Variants in TLCD4 observed in about 807,000 individuals in gnomAD.
The protein encoded by TLCD4 is TLC domain-containing protein 4.
A neutral mutation model predicts 24.2 loss-of-function variants in TLCD4; 7 were observed. The observed-to-expected ratio is 0.29, with a 90% CI of 0.16 to 0.54. The LOEUF (loss-of-function observed/expected upper bound fraction) is 0.54, where lower values mean the gene tolerates loss of function less well. Among genes scored for constraint, TLCD4 ranks in the 20% least tolerant of loss-of-function variants. The probability of loss-of-function intolerance (pLI) is 0.95; values close to 1 mark genes in which losing one functional copy is unlikely to be tolerated. For synonymous variants in TLCD4, 103 were observed against 106.4 expected, an observed-to-expected ratio of 0.97 and a Z score of 0.20; for missense variants, 259 against 313.9, an observed-to-expected ratio of 0.82 and a Z score of 1.32.
chr1:95,180,002 T>C (rs1382910153), intron 6 of TLCD4, among the ~76,000 whole-genome samples: 1 of 152,266 alleles, frequency 6.6e-6, no homozygotes, highest in Non-Finnish European at 1.5e-5. Context: ...CAAAGTTCTC[T>C]CTTTTTTATG....
chr1:95,141,202 A>G (rs1420133925), intron 1 of TLCD4, among the ~76,000 whole-genome samples: 3 of 152,216 alleles, frequency 2.0e-5, no homozygotes, highest in South Asian at 4.1e-4. Context: ...CATTAGAACA[A>G]AGACTTAAAA....
chr1:95,191,805 A>G lies in TLCD4; in HGVS notation c.729A>G (p.Lys243=), dbSNP rs1430218744. 1.9e-6 allele frequency: 3 copies of G among 1,614,064 alleles called. No homozygotes were observed. The highest frequency in any genetic ancestry group is 2.7e-5 in the African/African-American group (2 of 74,928). ...WMIKISKGCI[K]VISHIRQEKA... ...TCAAAATTTCAAAAGGTTGCATCAA[A>G]GTCATCTCTCACATCAGACAAGAGA... is the stretch of plus-strand genomic sequence containing the variant. Residue 243 remains lysine (K), a synonymous_variant, in exon 7 of 7, where the codon AAA becomes AAG. Coordinates refer to ENST00000370203, the MANE Select transcript of TLCD4 (RefSeq NM_152487.3).
intron 5 of TLCD4, among the ~76,000 whole-genome samples, chr1:95,167,393 A>G (rs1014739481): frequency 6.6e-6 from 1 of 152,080 alleles, no homozygotes; most frequent in Non-Finnish European, 1.5e-5. Context: ...GCCAATAAAT[A>G]TTTCTGGAAA....
Position 95,148,781 on chromosome 1 carries a change from G to T in TLCD4, c.235G>T (p.Asp79Tyr). 6.2e-7 allele frequency: 1 copy of T among 1,613,064 alleles called. No individual in the cohort carries two copies. Among genetic ancestry groups the T allele is most frequent in the African/African-American group, 1.3e-5 (1 of 74,998 alleles). ...IFLFDEATKADPLWGGPSLAN... is the reference protein window; with the variant it reads ...IFLFDEATKAYPLWGGPSLAN... ...CTTATTCGATGAGGCTACTAAAGCTGATCCACTTTGGTAAGCTGTTTCTTT... is the reference window on the plus strand; with the variant it reads ...CTTATTCGATGAGGCTACTAAAGCTTATCCACTTTGGTAAGCTGTTTCTTT... The change falls in exon 3 of 7, where the codon GAT (aspartate) becomes TAT (tyrosine). Residue 79 changes from aspartate to tyrosine, a missense_variant. Physicochemically the swap from Asp to Tyr is radical, Grantham distance 160. Coordinates refer to ENST00000370203, the MANE Select transcript of TLCD4 (RefSeq NM_152487.3).
At chr1:95,127,111 A>G (rs1232144807) in intron 1 of TLCD4, among the ~76,000 whole-genome samples, 2 of 152,182 alleles carry the variant, frequency 1.3e-5, no homozygotes, top group African/African-American at 4.8e-5. Context: ...CAGGTCACAG[A>G]GGTTGTGTTG....
the TLCD4 span, among the ~76,000 whole-genome samples, chr1:95,097,355 A>C: frequency 1.3e-5 from 2 of 152,208 alleles, no homozygotes; most frequent in African/African-American, 4.8e-5. Context: ...TATTAACCCA[A>C]GTTCTCTAGG....
Position 95,123,690 on chromosome 1 carries a change from G to A in TLCD4, c.-12+6073G>A, listed in dbSNP as rs1178732013. On this transcript the variant is annotated intron_variant, in intron 1 of 6. Coordinates refer to ENST00000370203, the MANE Select transcript of TLCD4 (RefSeq NM_152487.3). ...CTACAAATGGCAAAATGTGCCCAGA[G>A]TTATTTAGTTTTGAAAAATTTATTA... Among the ~76,000 whole-genome samples, 70 of 152,054 alleles carry A rather than the reference G, an allele frequency of 4.6e-4. 2 individuals are homozygous for A. Among genetic ancestry groups the A allele is most frequent in the Non-Finnish European group, 5.9e-5 (4 of 68,010 alleles).
chr1:95,187,843 A>G (rs935840301), intron 6 of TLCD4, among the ~76,000 whole-genome samples: 1 of 151,404 alleles, frequency 6.6e-6, no homozygotes, highest in African/African-American at 2.4e-5. Flanking sequence ...TCCAAGACCA[A>G]GGTGCCTGCA....
At chr1:95,112,066 T>A in the TLCD4 span, among the ~76,000 whole-genome samples, 1 of 152,162 alleles carries the variant, frequency 6.6e-6, no homozygotes. Flanking sequence ...GGAAATTCTT[T>A]GTGTGGAAGT....
At chr1:95,190,172 C>T (rs187642345) in intron 6 of TLCD4, among the ~76,000 whole-genome samples, 41 of 150,234 alleles carry the variant, frequency 2.7e-4, no homozygotes, top group East Asian at 1.2e-3. Context: ...AGCACGATTT[C>T]GGCTCACTGC....
At chr1:95,185,167 C>T (rs945873479) in intron 6 of TLCD4, among the ~76,000 whole-genome samples, 1 of 151,920 alleles carries the variant, frequency 6.6e-6, no homozygotes, top group Non-Finnish European at 1.5e-5. Context: ...ATATGTCTGA[C>T]TCTCCTTTCA....
At chr1:95,139,455 ATTTTTTTTTTT>A (rs200337389) in intron 1 of TLCD4, among the ~76,000 whole-genome samples, 2 of 93,994 alleles carry the variant, frequency 2.1e-5, no homozygotes, top group East Asian at 2.8e-4. Flanking sequence ...TAAACCTTTG[ATTTTTTTTTTT>A]TTTTTTTTTT....
intron 5 of TLCD4, among the ~76,000 whole-genome samples, chr1:95,166,836 C>T (rs1399554910): frequency 6.6e-6 from 1 of 152,084 alleles, no homozygotes; most frequent in Non-Finnish European, 1.5e-5. Context: ...TCAAGTGATC[C>T]TCCTGCCTCA....
chr1:95,105,226 A>C, the TLCD4 span, among the ~76,000 whole-genome samples: 4 of 152,176 alleles, frequency 2.6e-5, no homozygotes, highest in Non-Finnish European at 5.9e-5. Context: ...ATCTTGAAGG[A>C]ATGCATTTCA....
chr1:95,097,414 T>A, the TLCD4 span, among the ~76,000 whole-genome samples: 2 of 152,206 alleles, frequency 1.3e-5, no homozygotes, highest in Non-Finnish European at 2.9e-5. Context: ...TGAGAAGAAT[T>A]CTACTGCCAG....
chr1:95,133,631 T>C (rs1353302303), intron 1 of TLCD4, among the ~76,000 whole-genome samples: 1 of 152,136 alleles, frequency 6.6e-6, no homozygotes, highest in Non-Finnish European at 1.5e-5. Context: ...GGTCATCTGC[T>C]GAGAATGGGG....
intron 5 of TLCD4, among the ~76,000 whole-genome samples, chr1:95,162,511 A>G (rs560332481): frequency 5.3e-5 from 8 of 152,166 alleles, no homozygotes; most frequent in Admixed American, 4.6e-4. Context: ...ATTTAAGGTT[A>G]ATATTGTTAT....
rs879277117 is a variant in TLCD4, at chr1:95,122,971, AT to A, written c.-12+5367del. 1.1e-3 allele frequency among the ~76,000 whole-genome samples: 168 copies of A among 147,632 alleles called. 1 individual carries two copies. The highest frequency in any genetic ancestry group is 1.7e-3 in the South Asian group (8 of 4,696). On this transcript the variant is annotated intron_variant, in intron 1 of 6. Transcript: ENST00000370203. ...TATAAAGTGTTACTTTATGGACATGATTTTTTTTTTTTTAAAAAGAGAAATA... is the reference window on the plus strand; with the variant it reads ...TATAAAGTGTTACTTTATGGACATGATTTTTTTTTTTTAAAAAGAGAAATA...
chr1:95,151,193 C>T, intron 4 of TLCD4, 132 bp from the exon 5 acceptor site: 1 of 861,340 alleles, frequency 1.2e-6, no homozygotes, highest in Admixed American at 2.3e-5. Flanking sequence ...ATCAGACTAA[C>T]TGAGGGATGA....
Sources: allele counts gnomAD v4.1 joint callset (sites outside exome capture counted in the v4.1 genomes callset), GRCh38; gene constraint gnomAD v4.1.1; transcripts MANE v1.5; gene names NCBI Gene and HGNC (gene_info 2026-07-23, HGNC 2026-07-21).